Variants in BRAF observed in about 807,000 individuals in gnomAD.
The protein encoded by BRAF is serine/threonine-protein kinase B-raf.
In BRAF, 16 loss-of-function variants were observed where a neutral mutation model predicts 104.6. That is an observed-to-expected ratio of 0.15 (90% CI 0.10 to 0.23). The LOEUF (loss-of-function observed/expected upper bound fraction) is 0.23, where lower values mean the gene tolerates loss of function less well. BRAF is among the 10% of genes least tolerant of loss of function. The probability of loss-of-function intolerance (pLI) is 1.00; values close to 1 mark genes in which losing one functional copy is unlikely to be tolerated. For synonymous variants in BRAF, 310 were observed against 341.6 expected, an observed-to-expected ratio of 0.91 and a Z score of 1.02; for missense variants, 541 against 937.3, an observed-to-expected ratio of 0.58 and a Z score of 5.52.
At chr7:140,846,204 T>C (rs988106893) in intron 2 of BRAF, among the ~76,000 whole-genome samples, 1 of 152,160 alleles carries the variant, frequency 6.6e-6, no homozygotes, top group African/African-American at 2.4e-5. Flanking sequence ...CGTACACCCA[T>C]GTTCACAGCA....
intron 14 of BRAF, among the ~76,000 whole-genome samples, chr7:140,766,649 C>G (rs1420311639): frequency 6.6e-6 from 1 of 152,038 alleles, no homozygotes; most frequent in East Asian, 1.9e-4. Context: ...GTGGTGCAAT[C>G]TCCACTCACT....
chr7:140,857,130 C>A (rs1264136135), intron 1 of BRAF, among the ~76,000 whole-genome samples: 4 of 151,964 alleles, frequency 2.6e-5, no homozygotes, highest in African/African-American at 9.7e-5. Context: ...TCTGGGTAAG[C>A]CCTAAATGTA....
intron 18 of BRAF, among the ~76,000 whole-genome samples, 195 bp downstream of exon 17, chr7:140,739,617 T>C (rs1395063071): frequency 1.3e-5 from 2 of 152,110 alleles, no homozygotes; most frequent in Non-Finnish European, 2.9e-5. Context: ...TTCTGAATAT[T>C]TTGTATTAGG....
chr7:140,841,539 G>A (rs1181187691), intron 2 of BRAF, among the ~76,000 whole-genome samples: 1 of 152,140 alleles, frequency 6.6e-6, no homozygotes, highest in Admixed American at 6.5e-5. Context: ...ATATGTGTAT[G>A]ATGAAATATT....
chr7:140,808,514 C>G (rs2129048201), intron 4 of BRAF, among the ~76,000 whole-genome samples: 1 of 150,878 alleles, frequency 6.6e-6, no homozygotes, highest in Admixed American at 6.6e-5. Flanking sequence ...TAGACACTTT[C>G]TGAAAGAAAA....
intron 16 of BRAF, among the ~76,000 whole-genome samples, chr7:140,752,870 T>TC (rs946182598): frequency 6.6e-6 from 1 of 152,108 alleles, no homozygotes; most frequent in African/African-American, 2.4e-5. Context: ...GTTTTTTTTT[T>TC]CAACAGGGTA....
chr7:140,837,651 T>G (rs894901059), intron 2 of BRAF, among the ~76,000 whole-genome samples: 2 of 152,246 alleles, frequency 1.3e-5, no homozygotes, highest in African/African-American at 4.8e-5. Context: ...CTATGATCAA[T>G]TTATGGAACT....
chr7:140,723,953 T>G lies in BRAF; in HGVS notation c.*2541A>C, dbSNP rs192870662. ...ACCTATTTTCATGTCATTTGTAAAC[T>G]AGAGAAAAAACCTATTTCATAGAAA... On this transcript the variant is annotated 3_prime_UTR_variant, in exon 20 of 20. Transcript: ENST00000644969. 6.7e-6 allele frequency: 7 copies of G among 1,041,166 alleles called. No homozygotes were observed. Among genetic ancestry groups the G allele is most frequent in the Non-Finnish European group, 8.1e-6 (7 of 863,804 alleles). 64.5% of individuals were successfully genotyped at this position (1,041,166 alleles called of 1,614,324 possible).
intron 1 of BRAF, among the ~76,000 whole-genome samples, chr7:140,878,227 T>C (rs1334346304): frequency 6.6e-6 from 1 of 152,034 alleles, no homozygotes; most frequent in African/African-American, 2.4e-5. Flanking sequence ...GGACAATTTA[T>C]AGCAATAAAT....
At chr7:140,910,324 TTAAACC>T in intron 1 of BRAF, among the ~76,000 whole-genome samples, 1 of 152,348 alleles carries the variant, frequency 6.6e-6, no homozygotes, top group Middle Eastern at 3.4e-3. Context: ...CCTACCTAAA[TTAAACC>T]TTAACTTCCA....
At position 140,907,433 on chromosome 7, in the gene BRAF, T is replaced by C. The variant is rs550971623; in HGVS notation, c.138+17133A>G. 1.1e-4 allele frequency among the ~76,000 whole-genome samples: 16 copies of C among 152,274 alleles called. No individual in the cohort carries two copies. The South Asian group carries it at 1.4e-3, about 14-fold the overall frequency. On this transcript the variant is annotated intron_variant, in intron 1 of 19. Coordinates refer to ENST00000644969, the MANE Select transcript of BRAF (RefSeq NM_001374258.1). ...CCTGCCACCATGCCCAGCTAATTTT[T>C]TGTACTTTTAGTAGAGGTGGGGTTT...
intron 2 of BRAF, among the ~76,000 whole-genome samples, chr7:140,844,249 AAAAAAT>A (rs1386845123): frequency 6.6e-6 from 1 of 152,076 alleles, no homozygotes; most frequent in Non-Finnish European, 1.5e-5. Flanking sequence ...GAAAATTAAA[AAAAAAT>A]AAAAATAAAA....
intron 19 of BRAF, chr7:140,733,976 C>A: frequency 9.8e-7 from 1 of 1,023,494 alleles, no homozygotes; most frequent in Non-Finnish European, 1.2e-6. Flanking sequence ...AAACGTGCCA[C>A]TCCTCAGCAA....
chr7:140,763,346 C>T (rs1172146060), intron 14 of BRAF, among the ~76,000 whole-genome samples: 1 of 144,022 alleles, frequency 6.9e-6, no homozygotes, highest in Non-Finnish European at 1.5e-5. Context: ...CTGACCCCCC[C>T]ACCTCCCTCC....
At chr7:140,771,557 A>G (rs1271215304) in intron 14 of BRAF, among the ~76,000 whole-genome samples, 1 of 152,198 alleles carries the variant, frequency 6.6e-6, no homozygotes, top group Non-Finnish European at 1.5e-5. Flanking sequence ...ACTTTATAAA[A>G]TGAATCCGTT....
chr7:140,915,684 T>C (rs1188322478), intron 1 of BRAF, among the ~76,000 whole-genome samples: 2 of 152,044 alleles, frequency 1.3e-5, no homozygotes, highest in Admixed American at 1.3e-4. Context: ...GATCCACCCA[T>C]CCTGGCCTCC....
chr7:140,808,371 A>G, intron 4 of BRAF: 1 of 467,108 alleles, frequency 2.1e-6, no homozygotes, highest in Non-Finnish European at 4.1e-6. Flanking sequence ...AAAAAAAAAA[A>G]AAAAAATCAC....
intron 6 of BRAF, 111 bp from the exon 7 acceptor site, chr7:140,800,592 C>T: frequency 6.5e-7 from 1 of 1,537,530 alleles, no homozygotes. Flanking sequence ...TCAGAAACAA[C>T]TGTTAAAATT....
chr7:140,881,330 T>C (rs562158230), intron 1 of BRAF, among the ~76,000 whole-genome samples: 7 of 152,366 alleles, frequency 4.6e-5, no homozygotes, highest in African/African-American at 1.4e-4. Context: ...AAGCCTGTCA[T>C]TGACTTAAGG....
Sources: allele counts gnomAD v4.1 joint callset (sites outside exome capture counted in the v4.1 genomes callset), GRCh38; gene constraint gnomAD v4.1.1; transcripts MANE v1.5; gene names NCBI Gene and HGNC (gene_info 2026-07-23, HGNC 2026-07-21).